The following MADD variants were observed in gnomAD, a reference collection of about 807,000 sequenced individuals.
MADD encodes MAP kinase-activating death domain protein.
In MADD, 109 loss-of-function variants were observed where a neutral mutation model predicts 176.7. The observed-to-expected ratio is 0.62, with a 90% CI of 0.53 to 0.72. The LOEUF is 0.72. Ranked by LOEUF, MADD falls within the 30% of genes least tolerant of loss-of-function variation. The probability of loss-of-function intolerance (pLI) is 0.00; values close to 1 mark genes in which losing one functional copy is unlikely to be tolerated. For synonymous variants in MADD, 771 were observed against 771.3 expected (o/e 1.00, Z 0.01); for missense variants, 1,914 against 2,045.5 (o/e 0.94, Z 1.24).
chr11:47,282,568 G>T lies in MADD; in HGVS notation c.1657G>T (p.Glu553Ter). The change falls in exon 9 of 33, where the codon GAA becomes TAA. Residue 553 changes from glutamate to a stop codon, truncating the protein, a stop_gained. Transcript: ENST00000402192. LOFTEE classifies it high-confidence loss of function. ...GACTCAGGCTGTGGAGTACTTTGGG[G>T]AATGGATCCTTAACCCCACCAACTA... 3 of 1,614,206 alleles carry T rather than the reference G, an allele frequency of 1.9e-6. No individual in the cohort carries two copies. The highest frequency in any genetic ancestry group is 2.5e-6 in the Non-Finnish European group (3 of 1,180,042).
rs758488473 is a variant in MADD, at chr11:47,285,167, G to A, written c.2384G>A (p.Arg795Gln). 6.2e-6 allele frequency: 10 copies of A among 1,613,836 alleles called. No homozygotes were observed. The East Asian group carries it at 1.1e-4, about 18-fold the overall frequency. ...GAGCAGGGGGAAAGTTACACTCCCC[G>A]ATTCAGCCAACATGTCAGTGGCAAT... Residue 795 changes from arginine to glutamine, a missense_variant, in exon 13 of 33, where the codon CGA becomes CAA. Arg to Gln is a conservative substitution (Grantham distance 43). This residue lies in a region of MADD where 1,767 missense variants were observed against 1,836.0 expected (regional missense o/e 0.96). Coordinates refer to ENST00000402192, the Ensembl canonical transcript of MADD.
chr11:47,304,582 C>CTTTT (rs111771870), intron 22 of MADD, among the ~76,000 whole-genome samples: 3 of 151,636 alleles, frequency 2.0e-5, no homozygotes, highest in Non-Finnish European at 4.4e-5. Flanking sequence ...TGCAAGATTT[C>CTTTT]TGTTTTTTTG....
chr11:47,305,499 G>T (rs1227336074), intron 22 of MADD, among the ~76,000 whole-genome samples: 1 of 152,130 alleles, frequency 6.6e-6, no homozygotes, highest in Non-Finnish European at 1.5e-5. Context: ...GGCCTAGGGA[G>T]CAGGGTACAG....
chr11:47,324,184 C>A, intron 28 of MADD, 81 bp from the exon 32 acceptor site: 1 of 1,281,900 alleles, frequency 7.8e-7, no homozygotes, highest in Non-Finnish European at 1.1e-6. Flanking sequence ...CAACCTCCAG[C>A]CTTCAGTGGC....
intron 31 of MADD, 21 bp from the exon 36 acceptor site, chr11:47,328,637 C>G (rs756268050): frequency 6.2e-7 from 1 of 1,614,204 alleles, no homozygotes; most frequent in Non-Finnish European, 8.5e-7. Context: ...TCTGTTTTGT[C>G]TCTTGCCCGT....
chr11:47,272,076 C>T (rs1212800685), intron 1 of MADD: 1 of 152,222 alleles, frequency 6.6e-6, no homozygotes, highest in Non-Finnish European at 1.5e-5. Context: ...AGAAGACAAC[C>T]TAATTCTTAG....
intron 2 of MADD, among the ~76,000 whole-genome samples, 196 bp downstream of exon 2, chr11:47,274,172 ATCT>A (rs1334782286): frequency 7.2e-5 from 11 of 152,178 alleles, no homozygotes; most frequent in African/African-American, 2.4e-4. Flanking sequence ...CTTAACTAAC[ATCT>A]TCTTGATGTC....
intron 27 of MADD, among the ~76,000 whole-genome samples, chr11:47,322,602 A>AC (rs1311189838): frequency 6.6e-6 from 1 of 152,118 alleles, no homozygotes. Flanking sequence ...ACAGAGCGAG[A>AC]TCCGTCTCAA....
exon 19 of MADD, chr11:47,290,767 G>A (rs1565386924): frequency 1.2e-6 from 2 of 1,613,842 alleles, no homozygotes; most frequent in Middle Eastern, 1.7e-4. Flanking sequence ...AGGGTCCTAA[G>A]GAACTGGACA....
At chr11:47,289,057 C>T (rs1170975267) in intron 15 of MADD, 30 bp downstream of exon 16, 1 of 1,449,654 alleles carries the variant, frequency 6.9e-7, no homozygotes. Context: ...TGTGCATGAT[C>T]TTTTTTTTTT....
chr11:47,281,749 AC>A lies in MADD; in HGVS notation c.1467del (p.Arg490GlyfsTer32). On this transcript the variant is annotated frameshift_variant, in exon 8 of 33. Coordinates refer to ENST00000402192, the Ensembl canonical transcript of MADD. LOFTEE classifies it high-confidence loss of function. Reference sequence around the variant, plus strand: ...TGATGTGGATTCTGTGGATGTTGCAACCAGGTAAGACCAAGCCGACTGTATA... The same window carrying A: ...TGATGTGGATTCTGTGGATGTTGCAACAGGTAAGACCAAGCCGACTGTATA... The A allele has an allele frequency of 6.3e-7, 1 of 1,593,744 alleles. No homozygotes were observed. Among genetic ancestry groups the A allele is most frequent in the African/African-American group, 1.3e-5 (1 of 74,538 alleles).
At chr11:47,306,042 C>T (rs962512437) in intron 22 of MADD, among the ~76,000 whole-genome samples, 3 of 152,294 alleles carry the variant, frequency 2.0e-5, no homozygotes, top group Non-Finnish European at 2.9e-5. Flanking sequence ...GGATGCATGA[C>T]TGCCCTGGGT....
intron 16 of MADD, 47 bp from the exon 18 acceptor site, chr11:47,289,820 T>A (rs768246436): frequency 5.0e-6 from 8 of 1,600,260 alleles, no homozygotes; most frequent in Middle Eastern, 2.2e-4. Context: ...TGGGGGGTGC[T>A]CTGCAAAGGA....
intron 31 of MADD, chr11:47,327,961 T>C: frequency 1.0e-6 from 1 of 985,256 alleles, no homozygotes; most frequent in Non-Finnish European, 1.2e-6. Flanking sequence ...TGTGGACATG[T>C]GTGTATTTTG....
chr11:47,287,545 AATTAT>A (rs1326382296), intron 15 of MADD, among the ~76,000 whole-genome samples: 1 of 151,854 alleles, frequency 6.6e-6, no homozygotes, highest in African/African-American at 2.4e-5. Context: ...GTGTAGTTGG[AATTAT>A]AGGCACATAC....
At chr11:47,300,880 A>G (rs1005471136) in intron 22 of MADD, among the ~76,000 whole-genome samples, 1 of 152,140 alleles carries the variant, frequency 6.6e-6, no homozygotes, top group African/African-American at 2.4e-5. Flanking sequence ...AAATCTTGGT[A>G]GGTTGTCTAT....
intron 22 of MADD, among the ~76,000 whole-genome samples, chr11:47,305,754 G>A (rs1342920614): frequency 6.6e-6 from 1 of 152,192 alleles, no homozygotes; most frequent in Non-Finnish European, 1.5e-5. Context: ...TATCTTAGCA[G>A]CTCAGACTCT....
At chr11:47,320,403 C>T (rs1378715636) in intron 27 of MADD, among the ~76,000 whole-genome samples, 1 of 151,318 alleles carries the variant, frequency 6.6e-6, no homozygotes, top group Non-Finnish European at 1.5e-5. Context: ...TGCAGTGAGC[C>T]GAGATTGCAC....
chr11:47,299,327 C>T (rs1257848764), intron 22 of MADD, among the ~76,000 whole-genome samples: 1 of 151,936 alleles, frequency 6.6e-6, no homozygotes, highest in Non-Finnish European at 1.5e-5. Flanking sequence ...TTTCCCTATA[C>T]TCTTTCTTAC....
Sources: allele counts gnomAD v4.1 joint callset (sites outside exome capture counted in the v4.1 genomes callset), GRCh38; gene constraint gnomAD v4.1.1; regional missense constraint gnomAD v4.1.1; transcripts MANE v1.5; gene names NCBI Gene and HGNC (gene_info 2026-07-23, HGNC 2026-07-21).